FHIT: variants seen among roughly 807,000 people sequenced by gnomAD.
FHIT encodes the protein bis(5'-adenosyl)-triphosphatase.
Under a neutral mutation model 17.9 loss-of-function variants are expected in FHIT, and 19 were observed. The observed-to-expected ratio is 1.06, with a 90% CI of 0.74 to 1.56. The LOEUF is 1.56. Ranked by LOEUF, FHIT falls within the 40% of genes most tolerant of loss-of-function variation. The probability of loss-of-function intolerance (pLI) is 0.00; values close to 1 mark genes in which losing one functional copy is unlikely to be tolerated. For missense variants in FHIT, 248 were observed against 189.2 expected, an observed-to-expected ratio of 1.31 and a Z score of -1.82; for synonymous variants, 81 against 69.7, an observed-to-expected ratio of 1.16 and a Z score of -0.81.
At chr3:60,913,229 G>T (rs1228072115) in intron 3 of FHIT, among the ~76,000 whole-genome samples, 1 of 152,236 alleles carries the variant, frequency 6.6e-6, no homozygotes, top group African/African-American at 2.4e-5. Flanking sequence ...CTATAGTGTT[G>T]AGACTTGAGT....
chr3:60,541,775 C>G (rs1354095289), intron 4 of FHIT, among the ~76,000 whole-genome samples: 1 of 152,168 alleles, frequency 6.6e-6, no homozygotes, highest in Non-Finnish European at 1.5e-5. Flanking sequence ...CACAGAGACC[C>G]ATACCTGATG....
At chr3:60,306,771 G>C (rs1451186369) in intron 5 of FHIT, among the ~76,000 whole-genome samples, 6 of 152,078 alleles carry the variant, frequency 3.9e-5, no homozygotes, top group African/African-American at 1.4e-4. Flanking sequence ...AAATTTAAGG[G>C]AATGTGTAGA....
chr3:61,015,026 A>G (rs1575840872), intron 3 of FHIT, among the ~76,000 whole-genome samples: 1 of 151,790 alleles, frequency 6.6e-6, no homozygotes, highest in African/African-American at 2.4e-5. Flanking sequence ...TGAGGTTACT[A>G]GATAAGGTAC....
At chr3:60,250,424 G>C (rs1015159977) in intron 5 of FHIT, among the ~76,000 whole-genome samples, 3 of 152,188 alleles carry the variant, frequency 2.0e-5, no homozygotes, top group African/African-American at 7.2e-5. Flanking sequence ...GGAGAGGAAA[G>C]TTGGTTCCTA....
intron 5 of FHIT, among the ~76,000 whole-genome samples, chr3:60,293,120 T>C (rs1408990569): frequency 1.3e-5 from 2 of 152,170 alleles, no homozygotes; most frequent in Non-Finnish European, 2.9e-5. Context: ...GATGTTCAAA[T>C]ATAGTATAAT....
intron 5 of FHIT, among the ~76,000 whole-genome samples, chr3:60,118,918 G>C (rs1230095404): frequency 1.3e-5 from 2 of 151,132 alleles, no homozygotes; most frequent in African/African-American, 2.4e-5. Flanking sequence ...CTACTAGGGA[G>C]GCTGAGGCAG....
At chr3:61,098,454 T>C (rs1045918922) in intron 2 of FHIT, among the ~76,000 whole-genome samples, 1 of 152,176 alleles carries the variant, frequency 6.6e-6, no homozygotes, top group African/African-American at 2.4e-5. Flanking sequence ...TCCATATGAA[T>C]TTTAAAATAG....
In FHIT at chr3:60,371,418, C is replaced by T. The variant is rs575112581; in HGVS notation, c.103+165442G>A. On this transcript the variant is annotated intron_variant, in intron 5 of 9. Transcript: ENST00000492590. ...CTGGAGTGCAGTGGCTATTCACAGG[C>T]GACATCATAACTCACGGCAAACTTG... Among the ~76,000 whole-genome samples, 15 of 151,558 alleles carry T rather than the reference C, an allele frequency of 9.9e-5. No individual in the cohort carries two copies. The South Asian group carries it at 1.7e-3, about 17-fold the overall frequency.
chr3:60,447,973 C>T lies in FHIT; in HGVS notation c.103+88887G>A, dbSNP rs547730264. Among the ~76,000 whole-genome samples, 39 of 152,270 alleles carry T rather than the reference C, an allele frequency of 2.6e-4. No homozygotes were observed. The South Asian group carries it at 2.9e-3, about 11-fold the overall frequency. On this transcript the variant is annotated intron_variant, in intron 5 of 9. Coordinates refer to ENST00000492590, the MANE Select transcript of FHIT (RefSeq NM_002012.4). ...AAGTAAAAGAGAAACAACAAATTCT[C>T]ACCATGAAATGATTTTGAATGCTAT...
intron 5 of FHIT, among the ~76,000 whole-genome samples, chr3:60,377,648 A>G (rs1559866399): frequency 1.4e-5 from 2 of 139,278 alleles, no homozygotes; most frequent in African/African-American, 5.4e-5. Context: ...CGCCCGGCTA[A>G]TTTTTTGTAT....
chr3:59,838,809 GT>G (rs1026931889), intron 8 of FHIT, among the ~76,000 whole-genome samples: 2 of 152,144 alleles, frequency 1.3e-5, no homozygotes, highest in African/African-American at 4.8e-5. Context: ...CTTCCTGTGT[GT>G]TTTTTGAGGA....
At chr3:60,979,020 T>C (rs189774136) in intron 3 of FHIT, among the ~76,000 whole-genome samples, 80 of 152,324 alleles carry the variant, frequency 5.3e-4, no homozygotes, top group African/African-American at 1.5e-3. Context: ...TTTGAAAATA[T>C]TTCTTGCTAT....
chr3:61,076,441 T>C (rs969935616), intron 2 of FHIT, among the ~76,000 whole-genome samples: 1 of 152,140 alleles, frequency 6.6e-6, no homozygotes, highest in Non-Finnish European at 1.5e-5. Context: ...ATCCATGACA[T>C]GTCTCTTGAG....
chr3:59,965,238 A>T (rs1306476241), intron 7 of FHIT, among the ~76,000 whole-genome samples: 1 of 152,148 alleles, frequency 6.6e-6, no homozygotes, highest in Non-Finnish European at 1.5e-5. Context: ...CACAGCTTGA[A>T]GTATGATATA....
chr3:59,864,098 G>A (rs1293761627), intron 8 of FHIT, among the ~76,000 whole-genome samples: 1 of 152,048 alleles, frequency 6.6e-6, no homozygotes, highest in African/African-American at 2.4e-5. Flanking sequence ...GACAGTGATC[G>A]GCCTATATTC....
intron 7 of FHIT, among the ~76,000 whole-genome samples, chr3:59,959,118 C>T (rs1054408000): frequency 3.3e-5 from 5 of 152,168 alleles, no homozygotes; most frequent in Admixed American, 2.6e-4. Flanking sequence ...CCTCCTTGCA[C>T]GTATAATGAC....
intron 4 of FHIT, among the ~76,000 whole-genome samples, chr3:60,762,991 C>A (rs540368749): frequency 6.6e-6 from 1 of 152,142 alleles, no homozygotes; most frequent in African/African-American, 2.4e-5. Flanking sequence ...GACTGCTACA[C>A]CATTACACCA....
chr3:60,416,731 A>G (rs1472408487), intron 5 of FHIT, among the ~76,000 whole-genome samples: 1 of 152,166 alleles, frequency 6.6e-6, no homozygotes, highest in Non-Finnish European at 1.5e-5. Context: ...CTGCTACCTT[A>G]GAGTGATACC....
intron 5 of FHIT, among the ~76,000 whole-genome samples, chr3:60,075,623 G>A (rs543840847): frequency 6.6e-6 from 1 of 152,022 alleles, no homozygotes; most frequent in South Asian, 2.1e-4. Context: ...TGTGCACCGT[G>A]AAGCTCTCAG....
Sources: gnomAD v4.1 joint callset for allele counts (sites outside exome capture counted in the v4.1 genomes callset) on GRCh38, gnomAD v4.1.1 for gene constraint, MANE v1.5 for transcripts, NCBI Gene and HGNC (gene_info 2026-07-23, HGNC 2026-07-21) for gene names.